AHDC1: variants seen among roughly 807,000 people sequenced by gnomAD.
AHDC1 encodes transcription factor Gibbin.
In AHDC1, 7 loss-of-function variants were observed where a neutral mutation model predicts 87.9. The ratio of observed to expected loss-of-function variants is 0.08; its 90% CI spans 0.05 to 0.15. The LOEUF (loss-of-function observed/expected upper bound fraction) is 0.15, where lower values mean the gene tolerates loss of function less well. AHDC1 is among the 10% of genes least tolerant of loss of function. The probability of loss-of-function intolerance (pLI) is 1.00; values close to 1 mark genes in which losing one functional copy is unlikely to be tolerated. For synonymous variants in AHDC1, 1,051 were observed against 1,006.8 expected (o/e 1.04, Z -0.83); for missense variants, 1,841 against 2,253.2 (o/e 0.82, Z 3.70).
At chr1:27,541,001 T>TAAAAAAAAAAAAAACA (rs2018881079) in intron 8 of AHDC1, among the ~76,000 whole-genome samples, 1 of 72,368 alleles carries the variant, frequency 1.4e-5, no homozygotes, top group Non-Finnish European at 2.4e-5. Context: ...CTAAAAATGC[T>TAAAAAAAAAAAAAACA]AAAAAAAAAA....
intron 8 of AHDC1, among the ~76,000 whole-genome samples, chr1:27,542,624 G>A (rs565931972): frequency 2.0e-5 from 3 of 152,330 alleles, no homozygotes; most frequent in South Asian, 4.1e-4. Context: ...GAGAGGTGAC[G>A]TGACTCATCA....
chr1:27,549,966 A>C lies in AHDC1; in HGVS notation c.2150T>G (p.Leu717Arg), dbSNP rs766067652. 6 of 1,609,710 alleles carry C rather than the reference A, an allele frequency of 3.7e-6. No individual in the cohort carries two copies. Among genetic ancestry groups the C allele is most frequent in the Non-Finnish European group, 2.5e-6 (3 of 1,177,824 alleles). Residue 717 changes from leucine to arginine, a missense_variant, in exon 8 of 9, where the codon CTT (leucine) becomes CGT (arginine). By Grantham distance (102) the Leu-to-Arg change is moderately radical. Transcript: ENST00000673934. ...TTTGCGTGGGTGCCCCAACTCAGTA[A>C]GGCCCGGGCCCCCGACCCCAGCGGC... ...VAAAGVGGPG[L>R]TELGHPRKRG...
Position 27,562,310 on chromosome 1 carries a change from TC to T in AHDC1, c.-628-3428del, listed in dbSNP as rs1054797541. Among the ~76,000 whole-genome samples, 2 of 151,814 alleles carry T rather than the reference TC, an allele frequency of 1.3e-5. No individual in the cohort carries two copies. The highest frequency in any genetic ancestry group is 6.6e-5 in the Admixed American group (1 of 15,264). Reference sequence around the variant, plus strand: ...ATAGTGCTGACTTGCGGTTCAGAAATCCAATATCCTCCCCGGTGCACTGATC... The same window carrying T: ...ATAGTGCTGACTTGCGGTTCAGAAATCAATATCCTCCCCGGTGCACTGATC... On this transcript the variant is annotated intron_variant, in intron 3 of 8. Coordinates refer to ENST00000673934, the MANE Select transcript of AHDC1 (RefSeq NM_001371928.1). The surrounding 1 kb of genome is among the most constrained non-coding windows in gnomAD (Gnocchi z 4.4).
intron 3 of AHDC1, among the ~76,000 whole-genome samples, chr1:27,596,673 G>A (rs981462679): frequency 6.6e-6 from 1 of 151,952 alleles, no homozygotes; most frequent in Non-Finnish European, 1.5e-5. Context: ...CTTCCCACAT[G>A]CATGCCTGCC....
Position 27,562,704 on chromosome 1 carries a change from T to C in AHDC1, c.-628-3821A>G, listed in dbSNP as rs2020146865. Among the ~76,000 whole-genome samples, 1 of 152,176 alleles carries C rather than the reference T, an allele frequency of 6.6e-6. No individual in the cohort carries two copies. Among genetic ancestry groups the C allele is most frequent in the Admixed American group, 6.5e-5 (1 of 15,282 alleles). On this transcript the variant is annotated intron_variant, in intron 3 of 8. Transcript: ENST00000673934. This position sits in a 1 kb window ranked among gnomAD's most constrained non-coding sequence, Gnocchi z 4.4. ...TAAGCATTTCCTCTGGCCAGCCCTT[T>C]GGGGCTCTGTGGTCTGCATGGGAAG...
In AHDC1 at chr1:27,590,478, G is replaced by A. The variant is rs1003813543; in HGVS notation, c.-629+12919C>T. Among the ~76,000 whole-genome samples, 20 of 151,624 alleles carry A rather than the reference G, an allele frequency of 1.3e-4. No individual in the cohort carries two copies. Among genetic ancestry groups the A allele is most frequent in the Admixed American group, 1.1e-3 (17 of 15,244 alleles). On this transcript the variant is annotated intron_variant, in intron 3 of 8. Transcript: ENST00000673934. This position sits in a 1 kb window ranked among gnomAD's most constrained non-coding sequence, Gnocchi z 5.4. ...AAAGTATTCCCAGGCCAGCCACCCAGCACCACCCACCCCCACCACCCCTCA... is the reference window on the plus strand; with the variant it reads ...AAAGTATTCCCAGGCCAGCCACCCAACACCACCCACCCCCACCACCCCTCA...
rs964208275 is a variant in AHDC1, at chr1:27,562,126, A to G, written c.-628-3243T>C. On this transcript the variant is annotated intron_variant, in intron 3 of 8. Transcript: ENST00000673934. This position sits in a 1 kb window ranked among gnomAD's most constrained non-coding sequence, Gnocchi z 4.4. ...GAAGCAGAGGCAGGGTGGGCCGGGG[A>G]GAAGGGCCGAGGGGAGGCCTGTGTG... Among the ~76,000 whole-genome samples the G allele has an allele frequency of 4.0e-5, 6 of 151,890 alleles. No individual in the cohort carries two copies. The highest frequency in any genetic ancestry group is 6.5e-5 in the Admixed American group (1 of 15,268).
Position 27,548,805 on chromosome 1 carries a change from C to G in AHDC1, c.3311G>C (p.Gly1104Ala). ...PSPENCRQFA[G>A]ASQWPFRQGY... The stretch of plus-strand genomic sequence containing the variant: ...CTGCCGGAAAGGCCACTGAGAAGCC[C>G]CCGCAAACTGCCGACAGTTCTCGGG... The change falls in exon 8 of 9, where the codon GGG becomes GCG. Residue 1104 changes from glycine (G) to alanine (A), a missense_variant. Coordinates refer to ENST00000673934, the MANE Select transcript of AHDC1 (RefSeq NM_001371928.1). 1 of 1,612,856 alleles carries G rather than the reference C, an allele frequency of 6.2e-7. No homozygotes were observed. The highest frequency in any genetic ancestry group is 8.5e-7 in the Non-Finnish European group (1 of 1,179,806).
chr1:27,597,474 G>T (rs377531761), intron 3 of AHDC1, among the ~76,000 whole-genome samples: 1 of 152,132 alleles, frequency 6.6e-6, no homozygotes, highest in East Asian at 1.9e-4. Flanking sequence ...ATGTGAGGGG[G>T]TGTTTCCCAA....
intron 3 of AHDC1, among the ~76,000 whole-genome samples, chr1:27,600,423 G>A (rs941479368): frequency 4.0e-5 from 6 of 151,432 alleles, no homozygotes; most frequent in African/African-American, 1.5e-4. Flanking sequence ...CTGGTCTTGG[G>A]TGGCTGGCAT....
intron 5 of AHDC1, among the ~76,000 whole-genome samples, chr1:27,554,091 T>C (rs1258996529): frequency 1.3e-5 from 2 of 152,124 alleles, no homozygotes; most frequent in East Asian, 3.9e-4. Context: ...TTAAAAAAGT[T>C]TGTTGCATGA....
In AHDC1 at chr1:27,549,566, G is replaced by A. The variant is rs567903228; in HGVS notation, c.2550C>T (p.Ser850=). Residue 850 remains serine (S), a synonymous_variant, in exon 8 of 9, where the codon TCC becomes TCT. Transcript: ENST00000673934. The part of the protein sequence containing the change: ...FRSLLDSDDS[S]DLLDFALSAS... ...CTGAGAGGGCAAAGTCCAAGAGATC[G>A]GAGGAGTCATCCGAATCGAGCAGCG... 77 of 1,613,202 alleles carry A rather than the reference G, an allele frequency of 4.8e-5. 2 individuals carry two copies. The South Asian group carries it at 6.8e-4, about 14-fold the overall frequency.
chr1:27,564,397 T>C (rs2020231695), intron 3 of AHDC1, among the ~76,000 whole-genome samples: 1 of 152,210 alleles, frequency 6.6e-6, no homozygotes, highest in South Asian at 2.1e-4. Flanking sequence ...CCGCCTCCCC[T>C]GCTCCCCTGC....
At chr1:27,552,459 C>T (rs939151501) in intron 7 of AHDC1, 22 of 242,588 alleles carry the variant, frequency 9.1e-5, no homozygotes, top group Middle Eastern at 1.2e-3. Flanking sequence ...AGTGAAGCAG[C>T]GTGATCTCAG....
intron 3 of AHDC1, among the ~76,000 whole-genome samples, chr1:27,588,967 G>A (rs996476708): frequency 1.3e-5 from 2 of 152,090 alleles, no homozygotes; most frequent in African/African-American, 2.4e-5. Context: ...TATGTATGGG[G>A]GGGCTGTTGT....
intron 3 of AHDC1, among the ~76,000 whole-genome samples, chr1:27,596,342 C>T (rs575620278): frequency 2.0e-5 from 3 of 152,200 alleles, no homozygotes; most frequent in African/African-American, 2.4e-5. Flanking sequence ...GGCAGCACTG[C>T]GTTTGAAGAG....
chr1:27,596,801 C>T (rs1472072633), intron 3 of AHDC1, among the ~76,000 whole-genome samples: 1 of 152,048 alleles, frequency 6.6e-6, no homozygotes, highest in African/African-American at 2.4e-5. Context: ...TACACACACA[C>T]CTATCACATA....
chr1:27,552,176 G>T lies in AHDC1; in HGVS notation c.-61C>A. The T allele has an allele frequency of 7.0e-7, 1 of 1,429,190 alleles. No individual in the cohort carries two copies. The highest frequency in any genetic ancestry group is 9.1e-7 in the Non-Finnish European group (1 of 1,094,768). The allele number at this position is 1,429,190 out of a possible 1,614,324, so 88.5% of individuals were successfully genotyped here. A position where few individuals can be genotyped will look rare whatever the true frequency, so the allele number is the denominator to read the frequency against. ...CGGGGCTGACATGAGGGTGCGAGAA[G>T]CCGGGACCAGGACCTGCCAGGCAGG... On this transcript the variant is annotated 5_prime_UTR_variant, in exon 8 of 9. Transcript: ENST00000673934.
intron 3 of AHDC1, among the ~76,000 whole-genome samples, chr1:27,591,298 G>A (rs889144138): frequency 6.6e-6 from 1 of 152,140 alleles, no homozygotes; most frequent in African/African-American, 2.4e-5. Flanking sequence ...TAGCCTCCCC[G>A]CTCTGGCACC....
Sources: gnomAD v4.1 joint callset for allele counts (sites outside exome capture counted in the v4.1 genomes callset) on GRCh38, gnomAD v4.1.1 for gene constraint, Gnocchi (gnomAD v3.1) non-coding constraint, MANE v1.5 for transcripts, NCBI Gene and HGNC (gene_info 2026-07-23, HGNC 2026-07-21) for gene names.